The following DIPK1A variants were observed in gnomAD, a reference collection of about 807,000 sequenced individuals.
DIPK1A encodes divergent protein kinase domain 1A.
A neutral mutation model predicts 40.8 loss-of-function variants in DIPK1A; 27 were observed. The observed-to-expected ratio is 0.66, with a 90% CI of 0.49 to 0.91. The LOEUF is 0.91. DIPK1A is among the 40% of genes least tolerant of loss of function. DIPK1A has a pLI of 0.00. For missense variants in DIPK1A, 412 were observed against 505.7 expected (o/e 0.81, Z 1.78); for synonymous variants, 166 against 171.3 (o/e 0.97, Z 0.24).
At chr1:92,866,113 G>GT (rs1647523109) in intron 2 of DIPK1A, among the ~76,000 whole-genome samples, 1 of 152,066 alleles carries the variant, frequency 6.6e-6, no homozygotes. Context: ...TTGTTTGTTT[G>GT]TTTTTTGAGA....
At chr1:92,851,095 C>A in intron 2 of DIPK1A, 140 bp from the exon 3 acceptor site, 1 of 615,686 alleles carries the variant, frequency 1.6e-6, no homozygotes, top group Non-Finnish European at 2.9e-6. Flanking sequence ...TGGATTTGAT[C>A]TAAGCTCTGT....
intron 1 of DIPK1A, among the ~76,000 whole-genome samples, chr1:92,911,056 GT>G (rs1226396855): frequency 6.6e-6 from 1 of 152,166 alleles, no homozygotes; most frequent in Admixed American, 6.6e-5. Context: ...CATACAATAT[GT>G]AAACTTTGAG....
intron 1 of DIPK1A, chr1:92,932,787 A>C (rs1364513488): frequency 6.6e-6 from 1 of 152,232 alleles, no homozygotes; most frequent in African/African-American, 2.4e-5. Context: ...TAAGGGTTGG[A>C]GGGATGAACA....
At chr1:92,849,357 T>TG (rs1159028257) in intron 3 of DIPK1A, among the ~76,000 whole-genome samples, 3 of 151,858 alleles carry the variant, frequency 2.0e-5, no homozygotes, top group African/African-American at 7.3e-5. Flanking sequence ...TGTTTTTTTT[T>TG]TTTTTTTTGA....
chr1:92,917,034 A>G (rs1027629642), intron 1 of DIPK1A, among the ~76,000 whole-genome samples: 2 of 152,216 alleles, frequency 1.3e-5, no homozygotes, highest in African/African-American at 4.8e-5. Flanking sequence ...AGCTGTAATC[A>G]GTGTACATAT....
At position 92,876,277 on chromosome 1, in the gene DIPK1A, G is replaced by A. The variant is rs377664635; in HGVS notation, c.189+19C>T. The A allele has an allele frequency of 1.3e-5, 19 of 1,452,976 alleles. 2 individuals are homozygous for A. The African/African-American group carries it at 2.0e-4, about 15-fold the overall frequency. 90.0% of individuals were successfully genotyped at this position (1,452,976 alleles called of 1,614,324 possible). A position where few individuals can be genotyped will look rare whatever the true frequency, so the allele number is the denominator to read the frequency against. On this transcript the variant is annotated intron_variant, in intron 2 of 4. Coordinates refer to ENST00000370310, the MANE Select transcript of DIPK1A (RefSeq NM_001006605.5). ...TTATGAAGAGGCTTTTTAGTAAACA[G>A]GAAATTTAAAATACTTACTATTATT...
chr1:92,856,791 T>G (rs978667840), intron 2 of DIPK1A, among the ~76,000 whole-genome samples: 1 of 152,190 alleles, frequency 6.6e-6, no homozygotes, highest in Non-Finnish European at 1.5e-5. Flanking sequence ...CAAGATGTGA[T>G]GCAGGCCAGG....
At chr1:92,836,679 A>G (rs1687142919) in intron 4 of DIPK1A, 1 of 386,334 alleles carries the variant, frequency 2.6e-6, no homozygotes, top group Non-Finnish European at 4.8e-6. Context: ...CTTATTAGAA[A>G]TGAGCAACTC....
At chr1:92,839,275 C>T (rs1038475702), downstream of DIPK1A, among the ~76,000 whole-genome samples, 18 of 152,152 alleles carry the variant, frequency 1.2e-4, no homozygotes, top group African/African-American at 4.3e-4. Context: ...AGAAGAATTG[C>T]TTGAACCCTG....
chr1:92,882,029 T>C (rs1648400990), intron 1 of DIPK1A, among the ~76,000 whole-genome samples: 1 of 152,200 alleles, frequency 6.6e-6, no homozygotes, highest in African/African-American at 2.4e-5. Flanking sequence ...ACTTAAAATA[T>C]ATAAATATAG....
At chr1:92,941,164 T>C (rs948988257) in intron 1 of DIPK1A, among the ~76,000 whole-genome samples, 1 of 152,326 alleles carries the variant, frequency 6.6e-6, no homozygotes, top group Middle Eastern at 3.4e-3. Context: ...ATGCTTTTGG[T>C]GTCATCTAAG....
intron 1 of DIPK1A, among the ~76,000 whole-genome samples, chr1:92,899,463 A>G (rs1433698796): frequency 6.6e-6 from 1 of 152,184 alleles, no homozygotes; most frequent in African/African-American, 2.4e-5. Flanking sequence ...AGTTTCTTGT[A>G]GGCAGCATAT....
chr1:92,954,383 TTTTTTTTG>T (rs1302664869), intron 1 of DIPK1A, among the ~76,000 whole-genome samples: 13 of 12,414 alleles, frequency 1.0e-3, no homozygotes, highest in East Asian at 8.2e-3. Flanking sequence ...TTTTTTTTTT[TTTTTTTTG>T]TTTTGAGACA....
intron 1 of DIPK1A, among the ~76,000 whole-genome samples, chr1:92,915,214 C>T (rs1650005792): frequency 6.6e-6 from 1 of 151,972 alleles, no homozygotes; most frequent in Non-Finnish European, 1.5e-5. Flanking sequence ...TAGCCTGCAG[C>T]TACAACACAG....
At chr1:92,950,432 T>C (rs543242940) in intron 1 of DIPK1A, among the ~76,000 whole-genome samples, 1 of 152,312 alleles carries the variant, frequency 6.6e-6, no homozygotes, top group South Asian at 2.1e-4. Context: ...GGGAAGCCAC[T>C]GAAGGATTTC....
intron 1 of DIPK1A, among the ~76,000 whole-genome samples, chr1:92,898,273 G>GA (rs1334226479): frequency 6.6e-6 from 1 of 152,130 alleles, no homozygotes; most frequent in Non-Finnish European, 1.5e-5. Context: ...GTCACATGGT[G>GA]AAGAGAGCAA....
chr1:92,926,212 G>T (rs1240555096), intron 1 of DIPK1A, among the ~76,000 whole-genome samples: 3 of 152,062 alleles, frequency 2.0e-5, no homozygotes, highest in South Asian at 2.1e-4. Flanking sequence ...TTCTCTGTAA[G>T]CAGTGCTTTA....
intron 2 of DIPK1A, among the ~76,000 whole-genome samples, chr1:92,870,071 TATATAC>T (rs200145082): frequency 0.042 from 1,289 of 30,332 alleles, 11 homozygotes; most frequent in Non-Finnish European, 0.057. Context: ...ACATGAATTA[TATATAC>T]ACACACACAC....
intron 2 of DIPK1A, among the ~76,000 whole-genome samples, chr1:92,863,481 C>G (rs1319638858): frequency 6.8e-6 from 1 of 147,878 alleles, no homozygotes; most frequent in Non-Finnish European, 1.5e-5. Flanking sequence ...CCTACAATCC[C>G]AGCACTTTGG....
Sources: allele counts gnomAD v4.1 joint callset (sites outside exome capture counted in the v4.1 genomes callset), GRCh38; gene constraint gnomAD v4.1.1; transcripts MANE v1.5; gene names NCBI Gene and HGNC (gene_info 2026-07-23, HGNC 2026-07-21).